Variants in COPB1 observed in about 807,000 individuals in gnomAD.
COPB1 encodes the protein coat protein complex I subunit beta 1, also known as coatomer subunit beta.
COPB1 carries 21 observed loss-of-function variants against 108.7 expected under a neutral mutation model. That is an observed-to-expected ratio of 0.19 (90% CI 0.14 to 0.28). The LOEUF (loss-of-function observed/expected upper bound fraction) is 0.28. Among genes scored for constraint, COPB1 ranks in the 10% least tolerant of loss-of-function variants. The pLI is 1.00. For missense variants in COPB1, 919 were observed against 1,141.3 expected, an observed-to-expected ratio of 0.81 and a Z score of 2.81; for synonymous variants, 378 against 386.8, an observed-to-expected ratio of 0.98 and a Z score of 0.27.
intron 12 of COPB1, 105 bp downstream of exon 12, chr11:14,476,814 T>A: frequency 1.2e-5 from 7 of 603,022 alleles, no homozygotes; most frequent in East Asian, 6.7e-5. Context: ...TCAAACAAAA[T>A]CTAACTCAGA....
intron 19 of COPB1, among the ~76,000 whole-genome samples, 188 bp downstream of exon 19, chr11:14,460,998 T>C (rs1179966244): frequency 6.6e-6 from 1 of 152,172 alleles, no homozygotes. Flanking sequence ...AATCAATTTA[T>C]AACAGCAAAT....
chr11:14,471,613 T>C (rs1850404016), intron 14 of COPB1, among the ~76,000 whole-genome samples: 1 of 152,062 alleles, frequency 6.6e-6, no homozygotes, highest in Non-Finnish European at 1.5e-5. Context: ...ATAATGGAAT[T>C]AAAACAAAAA....
At chr11:14,472,171 A>G (rs1453422117) in intron 14 of COPB1, among the ~76,000 whole-genome samples, 1 of 152,238 alleles carries the variant, frequency 6.6e-6, no homozygotes, top group Non-Finnish European at 1.5e-5. Context: ...TTCTTAAATA[A>G]TAAGAGTTGA....
At chr11:14,476,102 T>C (rs923969370) in intron 12 of COPB1, among the ~76,000 whole-genome samples, 157 bp from the exon 13 acceptor site, 1 of 152,208 alleles carries the variant, frequency 6.6e-6, no homozygotes, top group African/African-American at 2.4e-5. Context: ...CAGGATAATG[T>C]AGTAGGTAGA....
intron 2 of COPB1, 27 bp from the exon 3 acceptor site, chr11:14,494,466 AGC>A: frequency 1.5e-6 from 2 of 1,348,588 alleles, no homozygotes; most frequent in Non-Finnish European, 2.1e-6. Flanking sequence ...TTTAAAAAAA[AGC>A]ACAATTATTT....
chr11:14,480,983 C>T lies in COPB1; in HGVS notation c.1065+7G>A, dbSNP rs1565019469. On this transcript the variant is annotated splice_region_variant and intron_variant, in intron 9 of 21. Transcript: ENST00000439561. ...AGCTACAAAGTGCTGTCAGAGTTTCCTTTTACCTCTTCAACATTTCTAGAA... is the reference window on the plus strand; with the variant it reads ...AGCTACAAAGTGCTGTCAGAGTTTCTTTTTACCTCTTCAACATTTCTAGAA... 3.7e-6 allele frequency: 6 copies of T among 1,613,368 alleles called. No homozygotes were observed. In the Admixed American group the frequency reaches 6.7e-5, roughly 18 times the overall value.
intron 20 of COPB1, among the ~76,000 whole-genome samples, chr11:14,459,255 ACTTG>A (rs5789838): frequency 0.66 from 99,608 of 151,422 alleles, 32,910 homozygotes; most frequent in East Asian, 0.69. Context: ...TGTTTACTTA[ACTTG>A]CTTGACTGCC....
At chr11:14,465,721 G>A (rs1483172691) in intron 17 of COPB1, among the ~76,000 whole-genome samples, 1 of 152,142 alleles carries the variant, frequency 6.6e-6, no homozygotes, top group East Asian at 1.9e-4. Context: ...ATATCTTGAA[G>A]TTCCTTAACA....
At chr11:14,496,317 T>C (rs1010934144) in intron 2 of COPB1, among the ~76,000 whole-genome samples, 1 of 152,118 alleles carries the variant, frequency 6.6e-6, no homozygotes, top group Admixed American at 6.5e-5. Context: ...GTATACATTT[T>C]TAAAATTCAG....
intron 17 of COPB1, 48 bp from the exon 18 acceptor site, chr11:14,465,078 C>T (rs1255056922): frequency 2.1e-6 from 3 of 1,427,336 alleles, no homozygotes; most frequent in East Asian, 2.4e-5. Context: ...CACACACACA[C>T]ACACACACAC....
At chr11:14,475,631 G>A (rs1476919159) in intron 13 of COPB1, among the ~76,000 whole-genome samples, 154 bp downstream of exon 13, 1 of 152,188 alleles carries the variant, frequency 6.6e-6, no homozygotes, top group East Asian at 1.9e-4. Context: ...CTAGGGGGAA[G>A]AACTTAAACA....
At chr11:14,484,226 G>T (rs1463484652) in intron 7 of COPB1, among the ~76,000 whole-genome samples, 1 of 152,170 alleles carries the variant, frequency 6.6e-6, no homozygotes, top group Non-Finnish European at 1.5e-5. Context: ...AGGAGACTAC[G>T]ATATGACCAC....
Position 14,466,578 on chromosome 11 carries a change from A to G in COPB1, c.2146-152T>C, listed in dbSNP as rs1305478655. Reference sequence around the variant, plus strand: ...AATAAAATTGTTTTATAATGCAGAAATGGAAATTGAAACCAGAATATTAAG... The same window carrying G: ...AATAAAATTGTTTTATAATGCAGAAGTGGAAATTGAAACCAGAATATTAAG... On this transcript the variant is annotated intron_variant, in intron 16 of 21. Transcript: ENST00000439561. 3 of 717,250 alleles carry G rather than the reference A, an allele frequency of 4.2e-6. No individual in the cohort carries two copies. The Admixed American group carries it at 9.0e-5, about 22-fold the overall frequency. 44.4% of individuals were successfully genotyped at this position (717,250 alleles called of 1,614,324 possible). A position where few individuals can be genotyped will look rare whatever the true frequency, so the allele number is the denominator to read the frequency against.
intron 19 of COPB1, among the ~76,000 whole-genome samples, chr11:14,460,869 C>T (rs1339699690): frequency 6.6e-6 from 1 of 152,070 alleles, no homozygotes; most frequent in Admixed American, 6.6e-5. Context: ...AGACCATGAA[C>T]TTTGTAAAGC....
intron 5 of COPB1, among the ~76,000 whole-genome samples, chr11:14,489,607 G>C (rs1050848323): frequency 6.6e-6 from 1 of 152,162 alleles, no homozygotes; most frequent in Non-Finnish European, 1.5e-5. Flanking sequence ...ATTAGGCTAA[G>C]TAAAATAAGC....
intron 14 of COPB1, among the ~76,000 whole-genome samples, chr11:14,472,423 CACAG>C (rs373941722): frequency 1.5e-4 from 23 of 152,262 alleles, no homozygotes; most frequent in Non-Finnish European, 3.1e-4. Flanking sequence ...ACTGACAGAG[CACAG>C]ACAGAGTTGA....
intron 11 of COPB1, 80 bp downstream of exon 11, chr11:14,479,489 T>C (rs1850609086): frequency 7.2e-7 from 1 of 1,382,798 alleles, no homozygotes; most frequent in Non-Finnish European, 9.8e-7. Flanking sequence ...TCCATTCTAT[T>C]TTCTATCAAC....
Position 14,486,377 on chromosome 11 carries a change from G to C in COPB1, c.827C>G (p.Thr276Ser), listed in dbSNP as rs1850775571. Residue 276 changes from threonine to serine, a missense_variant, in exon 7 of 22, where the codon ACT becomes AGT. By Grantham distance (58) the Thr-to-Ser change is moderately conservative. This residue lies in a region of COPB1 where 705 missense variants were observed against 817.8 expected (regional missense o/e 0.86). Coordinates refer to ENST00000439561, the MANE Select transcript of COPB1 (RefSeq NM_001144061.2). ...AGAAATACACAGTACCTTGATTGCA[G>C]TTGGTGCACTAGAGAGTGTCACTAA... The part of the protein sequence containing the change: ...GTLVTLSSAP[T>S]AIKAAAQCYI... 1 of 1,613,964 alleles carries C rather than the reference G, an allele frequency of 6.2e-7. No homozygotes were observed. The highest frequency in any genetic ancestry group is 1.3e-5 in the African/African-American group (1 of 74,910).
chr11:14,492,443 G>A (rs1417781497), intron 4 of COPB1, among the ~76,000 whole-genome samples: 1 of 151,920 alleles, frequency 6.6e-6, no homozygotes, highest in Non-Finnish European at 1.5e-5. Flanking sequence ...TCCCAGGTTC[G>A]AGCAATTCTT....
Sources: allele counts gnomAD v4.1 joint callset (sites outside exome capture counted in the v4.1 genomes callset), GRCh38; gene constraint gnomAD v4.1.1; regional missense constraint gnomAD v4.1.1; transcripts MANE v1.5; gene names NCBI Gene and HGNC (gene_info 2026-07-23, HGNC 2026-07-21).